ZC3H3: variants seen among roughly 807,000 people sequenced by gnomAD.
ZC3H3 encodes zinc finger CCCH-type containing 3.
A neutral mutation model predicts 77.3 loss-of-function variants in ZC3H3; 36 were observed. The ratio of observed to expected loss-of-function variants is 0.47; its 90% CI spans 0.36 to 0.61. ZC3H3 has a LOEUF of 0.61. Among genes scored for constraint, ZC3H3 ranks in the 20% least tolerant of loss-of-function variants. The pLI, the probability that ZC3H3 is intolerant of heterozygous loss-of-function variation, is 0.00. For missense variants in ZC3H3, 1,331 were observed against 1,312.2 expected (o/e 1.01, Z -0.22); for synonymous variants, 626 against 555.2 (o/e 1.13, Z -1.79).
At chr8:143,517,692 C>A (rs1374262674) in intron 3 of ZC3H3, among the ~76,000 whole-genome samples, 1 of 152,236 alleles carries the variant, frequency 6.6e-6, no homozygotes, top group East Asian at 1.9e-4. Context: ...CTCACCTGCT[C>A]CCAGTCTGGC....
At chr8:143,438,817 G>A (rs999060257) in intron 11 of ZC3H3, among the ~76,000 whole-genome samples, 1 of 152,218 alleles carries the variant, frequency 6.6e-6, no homozygotes, top group Non-Finnish European at 1.5e-5. Context: ...GGGCCGATGA[G>A]CCCGCTCACC....
chr8:143,440,420 G>T, intron 10 of ZC3H3, 57 bp from the exon 11 acceptor site: 1 of 1,485,944 alleles, frequency 6.7e-7, no homozygotes, highest in South Asian at 1.4e-5. Context: ...GGATCCCAGC[G>T]ACAGACTGCC....
chr8:143,452,265 T>C (rs1820007182), intron 9 of ZC3H3, among the ~76,000 whole-genome samples: 1 of 152,122 alleles, frequency 6.6e-6, no homozygotes, highest in Admixed American at 6.5e-5. Flanking sequence ...GTGGAGGCCA[T>C]GTGGAAGAGG....
At chr8:143,468,166 G>A (rs867743179) in intron 8 of ZC3H3, 43 bp downstream of exon 8, 10 of 1,587,410 alleles carry the variant, frequency 6.3e-6, no homozygotes, top group African/African-American at 4.0e-5. Context: ...CTGAGGCCCC[G>A]GAGAAAGGTG....
intron 3 of ZC3H3, among the ~76,000 whole-genome samples, chr8:143,517,791 C>G (rs542484243): frequency 6.6e-6 from 1 of 152,186 alleles, no homozygotes; most frequent in African/African-American, 2.4e-5. Context: ...GCTTTGACCC[C>G]CCGCTCCTGC....
At chr8:143,472,993 G>T (rs1038447742) in intron 5 of ZC3H3, among the ~76,000 whole-genome samples, 1 of 152,212 alleles carries the variant, frequency 6.6e-6, no homozygotes, top group African/African-American at 2.4e-5. Flanking sequence ...CCGCAGAGCA[G>T]GGCAGGGCCT....
chr8:143,484,782 G>C (rs1471888215), intron 4 of ZC3H3: 2 of 380,416 alleles, frequency 5.3e-6, no homozygotes, highest in Non-Finnish European at 1.0e-5. Context: ...GGCCCTCAAG[G>C]ACCCCTCAGG....
chr8:143,438,254 G>A (rs1175180876), intron 11 of ZC3H3, among the ~76,000 whole-genome samples, 167 bp from the exon 12 acceptor site: 1 of 152,174 alleles, frequency 6.6e-6, no homozygotes, highest in Non-Finnish European at 1.5e-5. Context: ...AGCACAGACA[G>A]GCCACAGGCT....
rs754503950 is a variant in ZC3H3 at position 143,537,998 on chromosome 8, C to G, written c.1364+5G>C. ...CACTCTACCGCAGCCGGCCGGGATG[C>G]CCACCTTGTGCTGCTGCGTCTCCGG... is the stretch of plus-strand genomic sequence containing the variant. On this transcript the variant is annotated splice_donor_5th_base_variant and intron_variant, in intron 2 of 11. Coordinates refer to ENST00000262577, the MANE Select transcript of ZC3H3 (RefSeq NM_015117.3). 1.3e-6 allele frequency: 2 copies of G among 1,592,244 alleles called. No homozygotes were observed. Among genetic ancestry groups the G allele is most frequent in the Non-Finnish European group, 1.7e-6 (2 of 1,168,598 alleles).
chr8:143,458,970 A>AT (rs1820189299), intron 9 of ZC3H3, among the ~76,000 whole-genome samples: 2 of 152,168 alleles, frequency 1.3e-5, no homozygotes, highest in Admixed American at 1.3e-4. Context: ...AAAAAAAAAA[A>AT]GAAAAAGAAA....
chr8:143,473,343 T>G (rs1456570826), intron 5 of ZC3H3, among the ~76,000 whole-genome samples: 1 of 152,190 alleles, frequency 6.6e-6, no homozygotes, highest in Non-Finnish European at 1.5e-5. Flanking sequence ...TTTCAGCTCA[T>G]GAGAAAGGCC....
At chr8:143,449,415 G>T (rs1819933894) in intron 9 of ZC3H3, among the ~76,000 whole-genome samples, 1 of 152,172 alleles carries the variant, frequency 6.6e-6, no homozygotes, top group Non-Finnish European at 1.5e-5. Flanking sequence ...TGAACACTTT[G>T]CTGCTTAGAA....
intron 5 of ZC3H3, 76 bp downstream of exon 5, chr8:143,475,322 G>C (rs1820701522): frequency 6.7e-7 from 1 of 1,493,394 alleles, no homozygotes; most frequent in Non-Finnish European, 9.0e-7. Context: ...TGGAGGTTAG[G>C]GGGTCTGGCC....
At position 143,474,910 on chromosome 8, in the gene ZC3H3, C is replaced by T. The variant is rs567234238; in HGVS notation, c.1903+488G>A. On this transcript the variant is annotated intron_variant, in intron 5 of 11. Coordinates refer to ENST00000262577, the MANE Select transcript of ZC3H3 (RefSeq NM_015117.3). ...TGTCGAGGCGTCGCCAATGCGATTA[C>T]GGGCGCCGCGGCCCCAGGTGTGCGC... Among the ~76,000 whole-genome samples the T allele has an allele frequency of 1.4e-4, 21 of 152,374 alleles. No homozygotes were observed. In the South Asian group the frequency reaches 2.3e-3, roughly 17 times the overall value.
intron 4 of ZC3H3, among the ~76,000 whole-genome samples, chr8:143,495,440 C>A (rs1023839654): frequency 4.6e-5 from 7 of 152,226 alleles, no homozygotes; most frequent in Admixed American, 3.9e-4. Context: ...TGCTCCAGAA[C>A]AGGCAGCTAA....
chr8:143,478,213 G>A (rs1388669529), intron 4 of ZC3H3, among the ~76,000 whole-genome samples: 2 of 152,218 alleles, frequency 1.3e-5, no homozygotes, highest in Non-Finnish European at 2.9e-5. Context: ...CTGCAGGAGT[G>A]TCCCCCTGAC....
intron 9 of ZC3H3, among the ~76,000 whole-genome samples, chr8:143,450,933 C>G (rs932504642): frequency 7.2e-5 from 11 of 152,166 alleles, no homozygotes; most frequent in Admixed American, 5.9e-4. Flanking sequence ...TATGGGAACT[C>G]TCTGTGATAT....
At chr8:143,528,272 C>A (rs149900480) in intron 3 of ZC3H3, among the ~76,000 whole-genome samples, 1 of 152,206 alleles carries the variant, frequency 6.6e-6, no homozygotes, top group East Asian at 1.9e-4. Flanking sequence ...TCCAGCTCCC[C>A]ACAAGGCTGG....
Position 143,494,990 on chromosome 8 carries a change from C to G in ZC3H3, c.1715+12756G>C, listed in dbSNP as rs190916158. ...GCAGATTAGAAAGGCGGTAACACCA[C>G]GTCTGAGGGGAACAGAAAGGGTCGC... On this transcript the variant is annotated intron_variant, in intron 4 of 11. Coordinates refer to ENST00000262577, the MANE Select transcript of ZC3H3 (RefSeq NM_015117.3). This position sits in a 1 kb window ranked among gnomAD's most constrained non-coding sequence, Gnocchi z 5.3. Among the ~76,000 whole-genome samples the G allele has an allele frequency of 6.6e-6, 1 of 152,184 alleles. No homozygotes were observed. The highest frequency in any genetic ancestry group is 1.5e-5 in the Non-Finnish European group (1 of 68,026).
Sources: allele counts gnomAD v4.1 joint callset (sites outside exome capture counted in the v4.1 genomes callset), GRCh38; gene constraint gnomAD v4.1.1; non-coding constraint Gnocchi (gnomAD v3.1); transcripts MANE v1.5; gene names NCBI Gene and HGNC (gene_info 2026-07-23, HGNC 2026-07-21).